Variants in CNGA1 observed in about 807,000 individuals in gnomAD.
CNGA1 encodes cyclic nucleotide-gated channel alpha-1.
A neutral mutation model predicts 69.7 loss-of-function variants in CNGA1; 53 were observed. The ratio of observed to expected loss-of-function variants is 0.76; its 90% CI spans 0.61 to 0.96. The LOEUF (loss-of-function observed/expected upper bound fraction) is 0.96. Among genes scored for constraint, CNGA1 ranks in the 40% least tolerant of loss-of-function variants. CNGA1 has a pLI of 0.00. For missense variants in CNGA1, 739 were observed against 811.2 expected, an observed-to-expected ratio of 0.91 and a Z score of 1.08; for synonymous variants, 249 against 283.5, an observed-to-expected ratio of 0.88 and a Z score of 1.22.
chr4:47,984,661 TATACACAC>T (rs1315099926), intron 2 of CNGA1, among the ~76,000 whole-genome samples: 33 of 97,010 alleles, frequency 3.4e-4, no homozygotes, highest in Middle Eastern at 4.9e-3. Context: ...TATATATATA[TATACACAC>T]ACACACACAC....
chr4:47,945,674 G>A (rs1436417842), intron 6 of CNGA1, among the ~76,000 whole-genome samples: 1 of 152,150 alleles, frequency 6.6e-6, no homozygotes, highest in Non-Finnish European at 1.5e-5. Context: ...TGAAATGTAT[G>A]TAATTCTTGA....
chr4:48,002,274 A>G (rs1714694465), intron 2 of CNGA1, among the ~76,000 whole-genome samples: 1 of 152,208 alleles, frequency 6.6e-6, no homozygotes, highest in African/African-American at 2.4e-5. Flanking sequence ...GATTCATAAA[A>G]TTGAAAACCT....
At chr4:47,993,379 G>A (rs1356985550) in intron 2 of CNGA1, among the ~76,000 whole-genome samples, 1 of 152,010 alleles carries the variant, frequency 6.6e-6, no homozygotes, top group Non-Finnish European at 1.5e-5. Context: ...TTATTGGTCT[G>A]TTCAGGTTAT....
In CNGA1 at chr4:47,958,390, C is replaced by T. The variant is rs190892785; in HGVS notation, c.-14-5687G>A. Among the ~76,000 whole-genome samples, 412 of 152,126 alleles carry T rather than the reference C, an allele frequency of 2.7e-3. 2 individuals are homozygous for T. Among genetic ancestry groups the T allele is most frequent in the Middle Eastern group, 0.014 (4 of 294 alleles). On this transcript the variant is annotated intron_variant, in intron 3 of 10. Transcript: ENST00000514170. ...CTGTAATCCCAGCACTTTGGGAGGC[C>T]GAGGCAGGCTGATCACCTGAAGTCA...
At chr4:47,992,248 C>A (rs1742300523) in intron 2 of CNGA1, among the ~76,000 whole-genome samples, 1 of 151,994 alleles carries the variant, frequency 6.6e-6, no homozygotes, top group Non-Finnish European at 1.5e-5. Context: ...TTGTAGCTTG[C>A]TTTTGATAGT....
In CNGA1 at chr4:47,951,421, C is replaced by G. The variant is rs375481961; in HGVS notation, c.156G>C (p.Glu52Asp). ...DDSASTSEES[E>D]NENPHARGSF... ...AACCCCTTGCATGAGGGTTTTCATTCTCTGATTCTTCAGATGTAGAGGCAC... is the reference window on the plus strand; with the variant it reads ...AACCCCTTGCATGAGGGTTTTCATTGTCTGATTCTTCAGATGTAGAGGCAC... Residue 52 changes from glutamate (E) to aspartate (D), a missense_variant, in exon 5 of 11, where the codon GAG becomes GAC. By Grantham distance (45) the Glu-to-Asp change is conservative (BLOSUM62 2). Coordinates refer to ENST00000514170, the MANE Select transcript of CNGA1 (RefSeq NM_001379270.1). 1 of 1,613,836 alleles carries G rather than the reference C, an allele frequency of 6.2e-7. No individual in the cohort carries two copies. The highest frequency in any genetic ancestry group is 1.1e-5 in the South Asian group (1 of 91,070).
intron 2 of CNGA1, among the ~76,000 whole-genome samples, chr4:47,996,785 C>T (rs1012926958): frequency 1.3e-5 from 2 of 152,084 alleles, no homozygotes; most frequent in African/African-American, 4.8e-5. Flanking sequence ...AGGGGCTGGG[C>T]ACAGTGACTC....
chr4:48,016,521 A>C lies in CNGA1; in HGVS notation c.-261T>G. 1 of 419,268 alleles carries C rather than the reference A, an allele frequency of 2.4e-6. No individual in the cohort carries two copies. 26.0% of individuals were successfully genotyped at this position (419,268 alleles called of 1,614,324 possible). On this transcript the variant is annotated 5_prime_UTR_variant, in exon 1 of 11. Transcript: ENST00000514170. Reference sequence around the variant, plus strand: ...ACGCTCCGAGAGACGCTGTTGCTCTATGAGGCGTGTCTGTGTTTCTCTAGT... The same window carrying C: ...ACGCTCCGAGAGACGCTGTTGCTCTCTGAGGCGTGTCTGTGTTTCTCTAGT...
intron 3 of CNGA1, chr4:47,971,247 A>G (rs1164929586): frequency 6.1e-6 from 2 of 326,076 alleles, no homozygotes; most frequent in Non-Finnish European, 1.2e-5. Flanking sequence ...TGCAACAAGA[A>G]AGTGGTAACA....
At chr4:47,976,299 A>G (rs199773705) in intron 3 of CNGA1, among the ~76,000 whole-genome samples, 1 of 31,436 alleles carries the variant, frequency 3.2e-5, no homozygotes, top group African/African-American at 1.1e-4. Context: ...ATATATACAC[A>G]TACATATATA....
At chr4:47,986,456 A>G (rs943601615) in intron 2 of CNGA1, among the ~76,000 whole-genome samples, 1 of 151,830 alleles carries the variant, frequency 6.6e-6, no homozygotes, top group African/African-American at 2.4e-5. Context: ...GTAATTTATT[A>G]TATAATTCTA....
At chr4:47,992,135 G>A (rs1056435561) in intron 2 of CNGA1, among the ~76,000 whole-genome samples, 3 of 152,054 alleles carry the variant, frequency 2.0e-5, no homozygotes, top group Non-Finnish European at 2.9e-5. Context: ...GCTTAGTCTT[G>A]CTTTGGCTAT....
chr4:47,951,209 T>C (rs1035869506), intron 5 of CNGA1, 144 bp downstream of exon 5: 1 of 653,246 alleles, frequency 1.5e-6, no homozygotes, highest in Admixed American at 2.1e-5. Flanking sequence ...AGTGTTTGAT[T>C]ATTGGAACGC....
At chr4:48,008,943 T>C (rs1715033716) in intron 2 of CNGA1, among the ~76,000 whole-genome samples, 2 of 152,260 alleles carry the variant, frequency 1.3e-5, no homozygotes, top group Admixed American at 6.5e-5. Context: ...AAAATATAGC[T>C]GTTTTCATTA....
intron 3 of CNGA1, among the ~76,000 whole-genome samples, chr4:47,967,145 A>G (rs947920533): frequency 3.3e-5 from 5 of 152,236 alleles, no homozygotes; most frequent in Admixed American, 2.6e-4. Flanking sequence ...TCTACTAAAA[A>G]TACAAAAATT....
rs186051694 is a variant in CNGA1 at position 47,966,540 on chromosome 4, G to A, written c.-14-13837C>T. Among the ~76,000 whole-genome samples the A allele has an allele frequency of 3.0e-4, 45 of 152,290 alleles. 1 individual carries two copies. In the East Asian group the frequency reaches 8.3e-3, roughly 28 times the overall value. ...TCTACAGTTTTACCAAGCGCTATAA[G>A]TAATTCTGTTGCAAAGGATTCCTGA... On this transcript the variant is annotated intron_variant, in intron 3 of 10. Transcript: ENST00000514170.
intron 2 of CNGA1, among the ~76,000 whole-genome samples, chr4:47,991,152 C>G (rs4695320): frequency 0.11 from 17,260 of 152,150 alleles, 1,574 homozygotes; most frequent in East Asian, 0.32. Flanking sequence ...ATAACAACTT[C>G]TTTTCCCCTG....
rs1436425494 is a variant in CNGA1, at chr4:47,949,886, G to A, written c.234C>T (p.Tyr78=). Residue 78 remains tyrosine (Y), a synonymous_variant, in exon 6 of 11, where the codon TAC becomes TAT. Coordinates refer to ENST00000514170, the MANE Select transcript of CNGA1 (RefSeq NM_001379270.1). ...TAAAAAGTGCAATGGCACCAGGCAG[G>A]TACTGCTCCCTGGGAAATGAAAAAC... ...RKGGPSQREQ[Y]LPGAIALFNV... The A allele has an allele frequency of 6.2e-7, 1 of 1,613,900 alleles. No individual in the cohort carries two copies. Among genetic ancestry groups the A allele is most frequent in the Non-Finnish European group, 8.5e-7 (1 of 1,179,848 alleles).
chr4:47,968,301 G>C (rs1409486929), intron 3 of CNGA1, among the ~76,000 whole-genome samples: 3 of 152,118 alleles, frequency 2.0e-5, no homozygotes, highest in Non-Finnish European at 4.4e-5. Flanking sequence ...TGAAATAACA[G>C]ATATTTTTTA....
Sources: allele counts gnomAD v4.1 joint callset (sites outside exome capture counted in the v4.1 genomes callset), GRCh38; gene constraint gnomAD v4.1.1; transcripts MANE v1.5; gene names NCBI Gene and HGNC (gene_info 2026-07-23, HGNC 2026-07-21).